Variants in LYRM9 observed in about 807,000 individuals in gnomAD.
LYRM9 encodes LYR motif-containing protein 9.
Under a neutral mutation model 12.6 loss-of-function variants are expected in LYRM9, and 14 were observed. The observed-to-expected ratio is 1.11, with a 90% CI of 0.73 to 1.73. The LOEUF (loss-of-function observed/expected upper bound fraction) is 1.73. Among genes scored for constraint, LYRM9 ranks in the 40% most tolerant of loss-of-function variants. The probability of loss-of-function intolerance (pLI) is 0.00; values close to 1 mark genes in which losing one functional copy is unlikely to be tolerated. For missense variants in LYRM9, 94 were observed against 95.0 expected (o/e 0.99, Z 0.04); for synonymous variants, 42 against 35.1 (o/e 1.20, Z -0.69).
At position 27,892,100 on chromosome 17, in the gene LYRM9, T is replaced by C. The variant is rs78912353; in HGVS notation, c.-19+1217A>G. 631 of 174,162 alleles carry C rather than the reference T, an allele frequency of 3.6e-3. 5 individuals carry two copies. The highest frequency in any genetic ancestry group is 0.014 in the African/African-American group (592 of 41,696). The allele number at this position is 174,162 out of a possible 1,614,324, so 10.8% of individuals were successfully genotyped here. ...CACGCCACCACGTCTGGCTAATTTT[T>C]TTAATTATTTATAGAAACGAAGTCT... On this transcript the variant is annotated intron_variant, in intron 1 of 3. Transcript: ENST00000379102.
intron 2 of LYRM9, 27 bp downstream of exon 2, chr17:27,882,542 C>T (rs1307392531): frequency 3.9e-6 from 6 of 1,553,228 alleles, no homozygotes; most frequent in Non-Finnish European, 4.3e-6. Context: ...AGAGGCAGCC[C>T]CCAGACCTGG....
rs142356918 is a variant in LYRM9 at position 27,888,293 on chromosome 17, T to C, written c.-19+5024A>G. ...GCTCAGTGGGAGGCCTGTGGTTACC[T>C]TGAAACAGCCTTCATCACCCCTCAT... On this transcript the variant is annotated intron_variant, in intron 1 of 3. Coordinates refer to ENST00000379102, the MANE Select transcript of LYRM9 (RefSeq NM_001076680.3). Among the ~76,000 whole-genome samples the C allele has an allele frequency of 2.9e-3, 436 of 152,292 alleles. 4 individuals carry two copies. The highest frequency in any genetic ancestry group is 0.01 in the African/African-American group (418 of 41,568).
intron 1 of LYRM9, among the ~76,000 whole-genome samples, chr17:27,891,483 T>C (rs985349528): frequency 6.6e-6 from 1 of 152,218 alleles, no homozygotes; most frequent in African/African-American, 2.4e-5. Flanking sequence ...ACACTACATG[T>C]TTCCTACTAA....
intron 1 of LYRM9, among the ~76,000 whole-genome samples, chr17:27,888,471 T>A (rs1010481538): frequency 4.6e-5 from 7 of 152,234 alleles, no homozygotes; most frequent in African/African-American, 1.7e-4. Flanking sequence ...GAAACGATAG[T>A]GTGAATTATG....
chr17:27,884,598 C>G (rs1231028474), intron 1 of LYRM9, among the ~76,000 whole-genome samples: 2 of 152,214 alleles, frequency 1.3e-5, no homozygotes, highest in Admixed American at 6.5e-5. Context: ...AGGTGCTCAC[C>G]CTGTCCTCTG....
intron 2 of LYRM9, among the ~76,000 whole-genome samples, chr17:27,881,638 A>G (rs1905061983): frequency 6.6e-6 from 1 of 152,200 alleles, no homozygotes; most frequent in Non-Finnish European, 1.5e-5. Flanking sequence ...AGAAGCATTT[A>G]AGAGTAAGTT....
chr17:27,879,702 G>A, intron 3 of LYRM9: 1 of 567,684 alleles, frequency 1.8e-6, no homozygotes, highest in Non-Finnish European at 3.1e-6. Flanking sequence ...AAGCTGACAG[G>A]GCTGGGGAGG....
chr17:27,886,210 A>G lies in LYRM9; in HGVS notation c.-18-3498T>C, dbSNP rs1219362765. ...AAAATTAACATTTGGAAAGAGCACA[A>G]CTTTGTTTCATTACTTAAAAACTCA... On this transcript the variant is annotated intron_variant, in intron 1 of 3. Transcript: ENST00000379102. This position sits in a 1 kb window ranked among gnomAD's most constrained non-coding sequence, Gnocchi z 4.8. Among the ~76,000 whole-genome samples, 1 of 152,194 alleles carries G rather than the reference A, an allele frequency of 6.6e-6. No individual in the cohort carries two copies. Among genetic ancestry groups the G allele is most frequent in the African/African-American group, 2.4e-5 (1 of 41,444 alleles).
chr17:27,880,035 G>A, intron 3 of LYRM9: 1 of 687,290 alleles, frequency 1.5e-6, no homozygotes, highest in Non-Finnish European at 2.6e-6. Flanking sequence ...AGCACTGTTG[G>A]GCAGAAATTT....
At chr17:27,890,065 TTAAG>T (rs1323776018) in intron 1 of LYRM9, among the ~76,000 whole-genome samples, 1 of 152,006 alleles carries the variant, frequency 6.6e-6, no homozygotes, top group East Asian at 1.9e-4. Context: ...CCCTGAGAGG[TTAAG>T]TAATTTGCCA....
In LYRM9 at chr17:27,879,421, G is replaced by A. The variant is rs1904959763; in HGVS notation, c.*52C>T. 2.6e-6 allele frequency: 4 copies of A among 1,540,372 alleles called. No homozygotes were observed. The highest frequency in any genetic ancestry group is 2.0e-5 in the Admixed American group (1 of 49,390). ...AACCAGCTGCTGCTGCTGAGCTCCAGAAGAGGGGCCTCTCAACTTCCAGAG... is the reference window on the plus strand; with the variant it reads ...AACCAGCTGCTGCTGCTGAGCTCCAAAAGAGGGGCCTCTCAACTTCCAGAG... On this transcript the variant is annotated 3_prime_UTR_variant, in exon 4 of 4. Transcript: ENST00000379102.
chr17:27,883,592 GT>G (rs1905136106), intron 1 of LYRM9, among the ~76,000 whole-genome samples: 1 of 150,954 alleles, frequency 6.6e-6, no homozygotes, highest in Non-Finnish European at 1.5e-5. Flanking sequence ...GGAAATGGCA[GT>G]GAGCCAAGAT....
rs377273078 is a variant in LYRM9 at position 27,879,241 on chromosome 17, ATAC to A, written c.*229_*231del. On this transcript the variant is annotated 3_prime_UTR_variant, in exon 4 of 4. Transcript: ENST00000379102. ...AAAAACACACAAAAGAAGCAAAAAA[ATAC>A]TACATTCTCCCCAAATTTCACATCG... 7.5e-4 allele frequency: 340 copies of A among 450,662 alleles called. 3 individuals carry two copies. Among genetic ancestry groups the A allele is most frequent in the African/African-American group, 5.6e-3 (273 of 49,184 alleles). The allele number at this position is 450,662 out of a possible 1,614,324, so 27.9% of individuals were successfully genotyped here. A position where few individuals can be genotyped will look rare whatever the true frequency, so the allele number is the denominator to read the frequency against.
At chr17:27,882,513 C>A (rs1362105085) in intron 2 of LYRM9, 56 bp downstream of exon 2, 3 of 1,484,854 alleles carry the variant, frequency 2.0e-6, no homozygotes, top group African/African-American at 1.4e-5. Context: ...CTCTGACCTG[C>A]GCCCCTAAGC....
At chr17:27,892,645 T>C (rs1230446842) in intron 1 of LYRM9, 1 of 313,526 alleles carries the variant, frequency 3.2e-6, no homozygotes, top group Admixed American at 4.5e-5. Flanking sequence ...GCTGGGAGAA[T>C]GGGAGTAGAT....
In LYRM9 at chr17:27,878,777, G is replaced by A. The variant is rs1375622980; in HGVS notation, c.*696C>T. 2.0e-5 allele frequency: 3 copies of A among 152,250 alleles called. No individual in the cohort carries two copies. The highest frequency in any genetic ancestry group is 4.4e-5 in the Non-Finnish European group (3 of 68,098). 9.4% of individuals were successfully genotyped at this position (152,250 alleles called of 1,614,324 possible). ...AAGGCCCAGGGCTTTGACTTCCCTA[G>A]GCATGGAGAGACAGTAGTCAGGAAA... is the stretch of plus-strand genomic sequence containing the variant. On this transcript the variant is annotated 3_prime_UTR_variant, in exon 4 of 4. Coordinates refer to ENST00000379102, the MANE Select transcript of LYRM9 (RefSeq NM_001076680.3).
Position 27,881,437 on chromosome 17 carries a change from A to AT in LYRM9, c.127-1072dup, listed in dbSNP as rs576292228. On this transcript the variant is annotated intron_variant, in intron 2 of 3. Coordinates refer to ENST00000379102, the MANE Select transcript of LYRM9 (RefSeq NM_001076680.3). ...CCCTCTGTGGCTACCGCCACCTCTGATTTTTTTTTTTTTTTACTTTCCATA... is the reference window on the plus strand; with the variant it reads ...CCCTCTGTGGCTACCGCCACCTCTGATTTTTTTTTTTTTTTTACTTTCCATA... Among the ~76,000 whole-genome samples, 400 of 133,852 alleles carry AT rather than the reference A, an allele frequency of 3.0e-3. 4 individuals are homozygous for AT. The highest frequency in any genetic ancestry group is 0.014 in the South Asian group (57 of 4,182). 87.8% of individuals were successfully genotyped at this position (133,852 alleles called of 152,430 possible).
chr17:27,886,291 A>G lies in LYRM9; in HGVS notation c.-18-3579T>C, dbSNP rs1001070737. ...TGGGCGGCAGATTATTTTCAGCTCA[A>G]TTATAATACTTAGTCATTCTCAGTA... On this transcript the variant is annotated intron_variant, in intron 1 of 3. Transcript: ENST00000379102. This position sits in a 1 kb window ranked among gnomAD's most constrained non-coding sequence, Gnocchi z 4.8. 1.3e-5 allele frequency among the ~76,000 whole-genome samples: 2 copies of G among 152,246 alleles called. No individual in the cohort carries two copies. The highest frequency in any genetic ancestry group is 2.9e-5 in the Non-Finnish European group (2 of 68,038).
intron 1 of LYRM9, chr17:27,883,092 C>A (rs1272317303): frequency 6.4e-6 from 3 of 466,186 alleles, no homozygotes; most frequent in Non-Finnish European, 8.9e-6. Flanking sequence ...CTGGCGAGGG[C>A]ACCAAGCCAC....
Sources: allele counts gnomAD v4.1 joint callset (sites outside exome capture counted in the v4.1 genomes callset), GRCh38; gene constraint gnomAD v4.1.1; non-coding constraint Gnocchi (gnomAD v3.1); transcripts MANE v1.5; gene names NCBI Gene and HGNC (gene_info 2026-07-23, HGNC 2026-07-21).